The following ZNF248 variants were observed in gnomAD, a reference collection of about 807,000 sequenced individuals.
ZNF248 encodes the protein zinc finger protein 248, also known as KRAB protein domain.
ZNF248 carries 20 observed loss-of-function variants against 44.3 expected under a neutral mutation model. That is an observed-to-expected ratio of 0.45 (90% CI 0.32 to 0.66). ZNF248 has a LOEUF of 0.66. Among genes scored for constraint, ZNF248 ranks in the 30% least tolerant of loss-of-function variants. The pLI is 0.04. For synonymous variants in ZNF248, 224 were observed against 229.0 expected, an observed-to-expected ratio of 0.98 and a Z score of 0.20; for missense variants, 654 against 677.0, an observed-to-expected ratio of 0.97 and a Z score of 0.38.
intron 6 of ZNF248, among the ~76,000 whole-genome samples, chr10:37,808,144 T>C (rs1430431896): frequency 6.6e-6 from 1 of 152,202 alleles, no homozygotes; most frequent in African/African-American, 2.4e-5. Context: ...ATTAATGTGA[T>C]GTATTACATT....
chr10:37,850,810 A>C (rs2060097421), intron 3 of ZNF248, among the ~76,000 whole-genome samples: 1 of 152,166 alleles, frequency 6.6e-6, no homozygotes, highest in Non-Finnish European at 1.5e-5. Context: ...AATTAACTCT[A>C]AATAGATGAA....
chr10:37,766,902 G>A, the ZNF248 span, among the ~76,000 whole-genome samples: 37 of 152,232 alleles, frequency 2.4e-4, no homozygotes, highest in Middle Eastern at 3.4e-3. Context: ...TGGATAACTA[G>A]AATAACCAAC....
rs912056125 is a variant in ZNF248, at chr10:37,831,158, T to C, written c.*457A>G. ...GTAGTTACTCAATTAAGGGTACGTA[T>C]CTTCTCCTTATGATCATGTTGAGTT... On this transcript the variant is annotated 3_prime_UTR_variant, in exon 6 of 6. Transcript: ENST00000395867. 6.6e-7 allele frequency: 1 copy of C among 1,508,724 alleles called. No individual in the cohort carries two copies. The highest frequency in any genetic ancestry group is 8.9e-7 in the Non-Finnish European group (1 of 1,126,270). 93.5% of individuals were successfully genotyped at this position (1,508,724 alleles called of 1,614,324 possible).
In ZNF248 at chr10:37,816,061, A is replaced by G. The variant is rs114970465; in HGVS notation, c.330+16964T>C. 3.3e-3 allele frequency among the ~76,000 whole-genome samples: 505 copies of G among 151,916 alleles called. 4 individuals are homozygous for G. The highest frequency in any genetic ancestry group is 0.011 in the African/African-American group (448 of 41,456). The stretch of plus-strand genomic sequence containing the variant: ...GCACGAAGTCTTTAAATCCTCAGGA[A>G]TTTACTTCATCTAAAACATGGGTGC... On this transcript the variant is annotated intron_variant, in intron 6 of 6. Coordinates refer to the ZNF248 transcript ENST00000615949.
At position 37,831,161 on chromosome 10, in the gene ZNF248, TCTC is replaced by T; in HGVS notation, c.*451_*453del. ...GTTACTCAATTAAGGGTACGTATCTTCTCCTTATGATCATGTTGAGTTCCAATA... is the reference window on the plus strand; with the variant it reads ...GTTACTCAATTAAGGGTACGTATCTTCTTATGATCATGTTGAGTTCCAATA... On this transcript the variant is annotated 3_prime_UTR_variant, in exon 6 of 6. Transcript: ENST00000395867. 6.6e-7 allele frequency: 1 copy of T among 1,512,082 alleles called. No homozygotes were observed. Among genetic ancestry groups the T allele is most frequent in the Non-Finnish European group, 8.9e-7 (1 of 1,128,256 alleles). The allele number at this position is 1,512,082 out of a possible 1,614,324, so 93.7% of individuals were successfully genotyped here.
chr10:37,829,720 T>C lies in ZNF248; in HGVS notation c.*1895A>G, dbSNP rs112487026. 3,502 of 985,364 alleles carry C rather than the reference T, an allele frequency of 3.6e-3. 90 individuals carry two copies. In the African/African-American group the frequency reaches 0.054, roughly 15 times the overall value. The allele number at this position is 985,364 out of a possible 1,614,324, so 61.0% of individuals were successfully genotyped here. A position where few individuals can be genotyped will look rare whatever the true frequency, so the allele number is the denominator to read the frequency against. On this transcript the variant is annotated 3_prime_UTR_variant, in exon 6 of 6. Coordinates refer to ENST00000395867, the MANE Select transcript of ZNF248 (RefSeq NM_021045.3). Reference sequence around the variant, plus strand: ...AGATAAAAACGATAAGCCAATACCATGTTACAGACATGAAAAAGCCCAGCA... The same window carrying C: ...AGATAAAAACGATAAGCCAATACCACGTTACAGACATGAAAAAGCCCAGCA...
chr10:37,820,226 T>A (rs1394757748), intron 6 of ZNF248: 20 of 1,333,384 alleles, frequency 1.5e-5, no homozygotes, highest in Non-Finnish European at 2.1e-5. Flanking sequence ...ACTGGGTCTG[T>A]CTGTGCCAGA....
intron 6 of ZNF248, among the ~76,000 whole-genome samples, chr10:37,801,236 C>T (rs2049782358): frequency 2.0e-5 from 3 of 151,756 alleles, no homozygotes; most frequent in Admixed American, 1.3e-4. Flanking sequence ...ATTAGCTGGA[C>T]GTGGTGGCAT....
intron 1 of ZNF248, 62 bp from the exon 2 acceptor site, chr10:37,856,594 A>C: frequency 1.8e-6 from 2 of 1,111,376 alleles, no homozygotes; most frequent in South Asian, 4.2e-5. Context: ...AGTAATCTGA[A>C]GGAAAAAACA....
chr10:37,820,424 T>C, intron 6 of ZNF248: 1 of 1,552,314 alleles, frequency 6.4e-7, no homozygotes, highest in Non-Finnish European at 8.9e-7. Flanking sequence ...AGACTGCTCC[T>C]CCGTTGCCTC....
intron 6 of ZNF248, among the ~76,000 whole-genome samples, chr10:37,782,369 G>C (rs2047412567): frequency 6.6e-6 from 1 of 152,136 alleles, no homozygotes; most frequent in Non-Finnish European, 1.5e-5. Flanking sequence ...GCTGGGGTTA[G>C]AGTTAATGCT....
chr10:37,851,768 CAAAAAAAAAAAA>C (rs57501241), intron 3 of ZNF248, among the ~76,000 whole-genome samples: 3 of 32,062 alleles, frequency 9.4e-5, no homozygotes, highest in Admixed American at 4.5e-4. Flanking sequence ...TCAGAATGAC[CAAAAAAAAAAAA>C]AAAAAAAAAA....
In ZNF248 at chr10:37,855,350, T is replaced by C. The variant is rs541563073; in HGVS notation, c.15+946A>G. Among the ~76,000 whole-genome samples, 17 of 152,252 alleles carry C rather than the reference T, an allele frequency of 1.1e-4. No individual in the cohort carries two copies. In the East Asian group the frequency reaches 3.3e-3, roughly 29 times the overall value. On this transcript the variant is annotated intron_variant, in intron 3 of 5. Transcript: ENST00000395867. The stretch of plus-strand genomic sequence containing the variant: ...CAGAGGAAGGGAGTGTGAATATATA[T>C]GTACATCTTTTGTTATCACTTATAC...
chr10:37,809,903 G>A (rs1315496945), intron 6 of ZNF248, among the ~76,000 whole-genome samples: 3 of 151,924 alleles, frequency 2.0e-5, no homozygotes, highest in African/African-American at 7.3e-5. Context: ...AATATACTTT[G>A]TATAATATCT....
chr10:37,769,977 T>C, the ZNF248 span, among the ~76,000 whole-genome samples: 11 of 152,138 alleles, frequency 7.2e-5, no homozygotes, highest in South Asian at 8.3e-4. Context: ...TATACACCAA[T>C]AACAGACAAA....
At chr10:37,847,520 T>C (rs1297510551) in intron 3 of ZNF248, among the ~76,000 whole-genome samples, 1 of 152,192 alleles carries the variant, frequency 6.6e-6, no homozygotes, top group Non-Finnish European at 1.5e-5. Context: ...CCAAGTTATT[T>C]AGGGGTAAAG....
At chr10:37,808,626 A>G (rs2050979464) in intron 6 of ZNF248, among the ~76,000 whole-genome samples, 1 of 152,138 alleles carries the variant, frequency 6.6e-6, no homozygotes, top group Admixed American at 6.5e-5. Context: ...TCAGTTTGGT[A>G]GCATTTGTTG....
chr10:37,792,452 C>T (rs2048668616), intron 6 of ZNF248, among the ~76,000 whole-genome samples: 1 of 152,218 alleles, frequency 6.6e-6, no homozygotes, highest in South Asian at 2.1e-4. Flanking sequence ...TTTATCCCCA[C>T]TCCAAGGGGT....
intron 6 of ZNF248, among the ~76,000 whole-genome samples, chr10:37,781,778 T>C (rs935526204): frequency 6.6e-6 from 1 of 152,200 alleles, no homozygotes; most frequent in African/African-American, 2.4e-5. Context: ...TTAGGACTAA[T>C]TGGCCTGAGT....
Sources: allele counts gnomAD v4.1 joint callset (sites outside exome capture counted in the v4.1 genomes callset), GRCh38; gene constraint gnomAD v4.1.1; transcripts MANE v1.5; gene names NCBI Gene and HGNC (gene_info 2026-07-23, HGNC 2026-07-21).